PALD1: variants seen among roughly 807,000 people sequenced by gnomAD.
PALD1 encodes the protein phosphatase domain containing paladin 1, also known as paladin.
Under a neutral mutation model 96.0 loss-of-function variants are expected in PALD1, and 57 were observed. That is an observed-to-expected ratio of 0.59 (90% confidence interval 0.48 to 0.74). The LOEUF (loss-of-function observed/expected upper bound fraction) is 0.74. Ranked by LOEUF, PALD1 falls within the 30% of genes least tolerant of loss-of-function variation. PALD1 has a pLI of 0.00. For missense variants in PALD1, 1,063 were observed against 1,143.7 expected, an observed-to-expected ratio of 0.93 and a Z score of 1.02; for synonymous variants, 464 against 473.6, an observed-to-expected ratio of 0.98 and a Z score of 0.26.
At position 70,541,399 on chromosome 10, in the gene PALD1, C is replaced by T. The variant is rs1847243356; in HGVS notation, c.2050-64C>T. On this transcript the variant is annotated intron_variant, in intron 16 of 19. Transcript: ENST00000263563. Reference sequence around the variant, plus strand: ...ATCAGTCTTGGGCAGCCCCCAAGTCCTCCCCAGCAAGGGGCTCCTGGCGTT... The same window carrying T: ...ATCAGTCTTGGGCAGCCCCCAAGTCTTCCCCAGCAAGGGGCTCCTGGCGTT... The T allele has an allele frequency of 3.8e-6, 6 of 1,564,634 alleles. No homozygotes were observed. In the East Asian group the frequency reaches 9.0e-5, roughly 23 times the overall value.
At chr10:70,478,608 G>T (rs12784189), upstream of PALD1, among the ~76,000 whole-genome samples, 1 of 152,236 alleles carries the variant, frequency 6.6e-6, no homozygotes, top group Non-Finnish European at 1.5e-5. Flanking sequence ...AGGAAGCGCA[G>T]CCGGGGAACG....
the PALD1 span, among the ~76,000 whole-genome samples, chr10:70,466,942 C>T: frequency 2.0e-5 from 3 of 152,210 alleles, no homozygotes; most frequent in Non-Finnish European, 4.4e-5. Context: ...ACCCTCTCTC[C>T]CTGTAAGGAA....
At chr10:70,554,923 TCCCCC>T (rs1847564728) in intron 18 of PALD1, among the ~76,000 whole-genome samples, 2 of 8,068 alleles carry the variant, frequency 2.5e-4, no homozygotes, top group African/African-American at 9.4e-4. Context: ...TCTCCTCCCC[TCCCCC>T]TCCTCCCCCT....
chr10:70,480,837 G>T (rs146731807), intron 1 of PALD1, among the ~76,000 whole-genome samples: 1 of 152,318 alleles, frequency 6.6e-6, no homozygotes, highest in Non-Finnish European at 1.5e-5. Flanking sequence ...ACGTGAGTGC[G>T]TGTGTGTGCT....
chr10:70,521,707 T>A (rs10999370), intron 1 of PALD1, among the ~76,000 whole-genome samples: 1 of 144,766 alleles, frequency 6.9e-6, no homozygotes, highest in Non-Finnish European at 1.5e-5. Context: ...AATTTTTTTT[T>A]ATTTTTAGTA....
At chr10:70,495,408 A>AG (rs1483855100) in intron 1 of PALD1, among the ~76,000 whole-genome samples, 1 of 151,898 alleles carries the variant, frequency 6.6e-6, no homozygotes, top group Non-Finnish European at 1.5e-5. Context: ...TCTGGTTGAC[A>AG]GGGTCAGTAC....
intron 1 of PALD1, among the ~76,000 whole-genome samples, chr10:70,487,461 G>C (rs891831699): frequency 1.3e-5 from 2 of 151,568 alleles, no homozygotes; most frequent in Non-Finnish European, 2.9e-5. Flanking sequence ...TGCAGAATGG[G>C]CATGAACATT....
chr10:70,531,423 T>A lies in PALD1; in HGVS notation c.602T>A (p.Val201Glu). 1 of 1,613,794 alleles carries A rather than the reference T, an allele frequency of 6.2e-7. No individual in the cohort carries two copies. Among genetic ancestry groups the A allele is most frequent in the Non-Finnish European group, 8.5e-7 (1 of 1,179,886 alleles). Residue 201 changes from valine (V) to glutamate (E), a missense_variant, in exon 5 of 20, where the codon GTG (valine) becomes GAG (glutamate). Physicochemically the swap from Val to Glu is moderately radical, Grantham distance 121. Coordinates refer to ENST00000263563, the MANE Select transcript of PALD1 (RefSeq NM_014431.3). Reference sequence around the variant, plus strand: ...CAGGGCCTTGGACCCGGGGTCCGGGTGGAGAGCCTGGAGCTGGCCATCCGG... The same window carrying A: ...CAGGGCCTTGGACCCGGGGTCCGGGAGGAGAGCCTGGAGCTGGCCATCCGG... ...NLQGLGPGVRVESLELAIRKE... is the reference protein window; with the variant it reads ...NLQGLGPGVREESLELAIRKE...
At chr10:70,526,758 T>C (rs1846877516) in intron 2 of PALD1, among the ~76,000 whole-genome samples, 1 of 152,156 alleles carries the variant, frequency 6.6e-6, no homozygotes, top group Non-Finnish European at 1.5e-5. Context: ...GACAGGAAGA[T>C]GGAGGGGATG....
At chr10:70,528,144 T>TG (rs34396014) in intron 2 of PALD1, among the ~76,000 whole-genome samples, 69,809 of 152,012 alleles carry the variant, frequency 0.46, 17,150 homozygotes, top group Middle Eastern at 0.59. Context: ...TATTCCATGG[T>TG]GTATATGAAG....
chr10:70,487,863 C>T (rs1474532383), intron 1 of PALD1, among the ~76,000 whole-genome samples: 1 of 152,264 alleles, frequency 6.6e-6, no homozygotes, highest in Non-Finnish European at 1.5e-5. Context: ...GGGCCCTATG[C>T]TCCCTTGTAG....
intron 2 of PALD1, among the ~76,000 whole-genome samples, chr10:70,528,713 C>T (rs775406496): frequency 1.1e-4 from 16 of 152,190 alleles, no homozygotes; most frequent in Non-Finnish European, 2.1e-4. Context: ...AAGCTCATCT[C>T]TTACATGCAA....
chr10:70,527,683 C>T (rs1049875961), intron 2 of PALD1, among the ~76,000 whole-genome samples: 2 of 152,268 alleles, frequency 1.3e-5, no homozygotes, highest in Non-Finnish European at 1.5e-5. Flanking sequence ...AGATTTGCTC[C>T]CCATGGGTCA....
rs111850326 is a variant in PALD1, at chr10:70,508,784, C to CGTGTGTGTGTGTGT, written c.-29-17117_-29-17104dup. ...CAGGGTGGGTTTCGACTCTGTATGG[C>CGTGTGTGTGTGTGT]GTGTGTGTGTGTGTGTGTGTGTGTG... On this transcript the variant is annotated intron_variant, in intron 1 of 19. Transcript: ENST00000263563. Among the ~76,000 whole-genome samples, 487 of 99,992 alleles carry CGTGTGTGTGTGTGT rather than the reference C, an allele frequency of 4.9e-3. 3 individuals carry two copies. Among genetic ancestry groups the CGTGTGTGTGTGTGT allele is most frequent in the Non-Finnish European group, 7.2e-3 (349 of 48,160 alleles). The allele number at this position is 99,992 out of a possible 152,430, so 65.6% of individuals were successfully genotyped here. A position where few individuals can be genotyped will look rare whatever the true frequency, so the allele number is the denominator to read the frequency against.
chr10:70,483,032 C>T (rs1429223064), intron 1 of PALD1, among the ~76,000 whole-genome samples: 1 of 151,956 alleles, frequency 6.6e-6, no homozygotes, highest in Non-Finnish European at 1.5e-5. Flanking sequence ...GCAGGGGCTC[C>T]GAAGGTAGAT....
Position 70,525,949 on chromosome 10 carries a change from A to T in PALD1, c.-3A>T, listed in dbSNP as rs756570942. Reference sequence around the variant, plus strand: ...TCTGGGGTCCTGAGGCTGCTGGCAGACTATGGGTACAACGGCCAGCACAGC... The same window carrying T: ...TCTGGGGTCCTGAGGCTGCTGGCAGTCTATGGGTACAACGGCCAGCACAGC... On this transcript the variant is annotated 5_prime_UTR_variant, in exon 2 of 20. Coordinates refer to ENST00000263563, the MANE Select transcript of PALD1 (RefSeq NM_014431.3). The T allele has an allele frequency of 1.2e-6, 2 of 1,613,936 alleles. No homozygotes were observed. Among genetic ancestry groups the T allele is most frequent in the South Asian group, 2.2e-5 (2 of 91,068 alleles).
At position 70,478,858 on chromosome 10, in the gene PALD1, C is replaced by G. The variant is rs1453629188; in HGVS notation, c.-231C>G. 1.3e-5 allele frequency: 2 copies of G among 151,838 alleles called. No individual in the cohort carries two copies. The highest frequency in any genetic ancestry group is 3.9e-4 in the East Asian group (2 of 5,166). The allele number at this position is 151,838 out of a possible 1,614,324, so 9.4% of individuals were successfully genotyped here. On this transcript the variant is annotated 5_prime_UTR_variant, in exon 1 of 20. Transcript: ENST00000263563. Reference sequence around the variant, plus strand: ...GCCGGTGAGCACGGGCTCCCTCTCGCGTGGCCTCGCCGGGTCCGCCTGGCC... The same window carrying G: ...GCCGGTGAGCACGGGCTCCCTCTCGGGTGGCCTCGCCGGGTCCGCCTGGCC...
chr10:70,517,249 A>G (rs1846638547), intron 1 of PALD1, among the ~76,000 whole-genome samples: 1 of 152,194 alleles, frequency 6.6e-6, no homozygotes, highest in Non-Finnish European at 1.5e-5. Context: ...CGAGAGGAGA[A>G]CATTGTGGGA....
Position 70,547,457 on chromosome 10 carries a change from A to AAACCCC in PALD1, c.2262+11_2262+12insAACCCC. On this transcript the variant is annotated intron_variant, in intron 18 of 19. Coordinates refer to ENST00000263563, the MANE Select transcript of PALD1 (RefSeq NM_014431.3). ...TGCACCTACCGCCAGGTGAGCCCCC[A>AAACCCC]CCCCACCCCACCCCACCCTGCCCCA... 2 of 1,016,444 alleles carry AAACCCC rather than the reference A, an allele frequency of 2.0e-6. No individual in the cohort carries two copies. The highest frequency in any genetic ancestry group is 2.7e-6 in the Non-Finnish European group (2 of 730,168). 63.0% of individuals were successfully genotyped at this position (1,016,444 alleles called of 1,614,324 possible).
Sources: allele counts gnomAD v4.1 joint callset (sites outside exome capture counted in the v4.1 genomes callset), GRCh38; gene constraint gnomAD v4.1.1; transcripts MANE v1.5; gene names NCBI Gene and HGNC (gene_info 2026-07-23, HGNC 2026-07-21).